The following UGT2B10 variants were observed in gnomAD, a reference collection of about 807,000 sequenced individuals.
UGT2B10 encodes UDP-glucuronosyltransferase 2B10.
Under a neutral mutation model 43.7 loss-of-function variants are expected in UGT2B10, and 51 were observed. The observed-to-expected ratio is 1.17, with a 90% CI of 0.93 to 1.47. The LOEUF is 1.47. Ranked by LOEUF, UGT2B10 falls within the 40% of genes most tolerant of loss-of-function variation. The probability of loss-of-function intolerance (pLI) is 0.00; values close to 1 mark genes in which losing one functional copy is unlikely to be tolerated. For missense variants in UGT2B10, 696 were observed against 617.7 expected, an observed-to-expected ratio of 1.13 and a Z score of -1.34; for synonymous variants, 225 against 209.0, an observed-to-expected ratio of 1.08 and a Z score of -0.66.
At position 68,827,512 on chromosome 4, in the gene UGT2B10, T is replaced by G; in HGVS notation, c.1271T>G (p.Leu424Arg). 1 of 1,613,392 alleles carries G rather than the reference T, an allele frequency of 6.2e-7. No individual in the cohort carries two copies. Among genetic ancestry groups the G allele is most frequent in the Middle Eastern group, 1.7e-4 (1 of 6,052 alleles). The stretch of plus-strand genomic sequence containing the variant: ...TTCAACACAATGTCGAGTACAGACC[T>G]GCTGAATGCACTGAAGACAGTAATT... ...VDFNTMSSTD[L>R]LNALKTVIND... Residue 424 changes from leucine to arginine, a missense_variant, in exon 5 of 6, where the codon CTG (leucine) becomes CGG (arginine). Physicochemically the swap from Leu to Arg is moderately radical, Grantham distance 102. Transcript: ENST00000265403.
intron 3 of UGT2B10, among the ~76,000 whole-genome samples, chr4:68,823,712 TAAAA>T (rs377756742): frequency 1.4e-4 from 21 of 151,966 alleles, no homozygotes; most frequent in African/African-American, 4.8e-4. Flanking sequence ...ATATGACAAA[TAAAA>T]AAGAAAGTTC....
chr4:68,831,614 G>C lies in UGT2B10; in HGVS notation c.*735G>C, dbSNP rs1032619241. ...CAGCCCACAAGAAGAATCACTTAAT[G>C]CTCTGAAAATTACCAGTAAACTGAT... On this transcript the variant is annotated 3_prime_UTR_variant, in exon 6 of 6. Transcript: ENST00000265403. Among the ~76,000 whole-genome samples the C allele has an allele frequency of 6.6e-6, 1 of 152,082 alleles. No individual in the cohort carries two copies. Among genetic ancestry groups the C allele is most frequent in the African/African-American group, 2.4e-5 (1 of 41,446 alleles).
In UGT2B10 at chr4:68,816,097, G is replaced by A; in HGVS notation, c.78G>A (p.Leu26=). ...YFSSGSCGKV[L]VWAAEYSLWM... Reference sequence around the variant, plus strand: ...GCTCTGGGAGTTGTGGAAAGGTGCTGGTATGGGCCGCAGAATACAGCCTTT... The same window carrying A: ...GCTCTGGGAGTTGTGGAAAGGTGCTAGTATGGGCCGCAGAATACAGCCTTT... Residue 26 remains leucine (L), a synonymous_variant, in exon 1 of 6, where the codon CTG becomes CTA. Transcript: ENST00000265403. The A allele has an allele frequency of 6.2e-7, 1 of 1,613,214 alleles. No individual in the cohort carries two copies. Among genetic ancestry groups the A allele is most frequent in the Non-Finnish European group, 8.5e-7 (1 of 1,179,406 alleles).
Position 68,831,095 on chromosome 4 carries a change from TA to T in UGT2B10, c.*222del. The T allele has an allele frequency of 3.3e-6, 2 of 600,568 alleles. No homozygotes were observed. The highest frequency in any genetic ancestry group is 5.6e-6 in the Non-Finnish European group (2 of 359,380). 37.2% of individuals were successfully genotyped at this position (600,568 alleles called of 1,614,324 possible). A position where few individuals can be genotyped will look rare whatever the true frequency, so the allele number is the denominator to read the frequency against. On this transcript the variant is annotated 3_prime_UTR_variant, in exon 6 of 6. Transcript: ENST00000265403. The stretch of plus-strand genomic sequence containing the variant: ...GCAATGAAGAAAACACTAGGGGAAA[TA>T]AAAAATAATATAAAGCCATATGAGC...
rs1343764784 is a variant in UGT2B10, at chr4:68,830,794, C to T, written c.1502C>T (p.Ala501Val). The T allele has an allele frequency of 1.2e-6, 2 of 1,613,266 alleles. No individual in the cohort carries two copies. Among genetic ancestry groups the T allele is most frequent in the South Asian group, 1.1e-5 (1 of 91,072 alleles). The change falls in exon 6 of 6, where the codon GCA becomes GTA. Residue 501 changes from alanine (A) to valine (V), a missense_variant. By Grantham distance (64) the Ala-to-Val change is moderately conservative. Transcript: ENST00000265403. ...DVIGFLLACV[A>V]TVLFIITKCC... is the part of the protein sequence containing the mutation. Reference sequence around the variant, plus strand: ...ATTGGGTTCCTGCTGGCTTGTGTGGCAACCGTGCTATTTATCATCACAAAG... The same window carrying T: ...ATTGGGTTCCTGCTGGCTTGTGTGGTAACCGTGCTATTTATCATCACAAAG...
intron 4 of UGT2B10, 134 bp from the exon 5 acceptor site, chr4:68,827,195 T>C (rs1737825146): frequency 6.9e-7 from 1 of 1,439,136 alleles, no homozygotes; most frequent in East Asian, 2.3e-5. Flanking sequence ...ACCTGTTTTT[T>C]CCTCTGAAAT....
Position 68,816,200 on chromosome 4 carries a change from A to G in UGT2B10, c.181A>G (p.Ile61Val), listed in dbSNP as rs1445163432. 6.2e-7 allele frequency: 1 copy of G among 1,613,272 alleles called. No homozygotes were observed. The change falls in exon 1 of 6, where the codon ATT (isoleucine) becomes GTT (valine). Residue 61 changes from isoleucine to valine, a missense_variant. Ile to Val is a conservative substitution (Grantham distance 29, BLOSUM62 3). Coordinates refer to ENST00000265403, the MANE Select transcript of UGT2B10 (RefSeq NM_001075.6). ...GACTGTACTGGCATCTTCAGCTTCC[A>G]TTCTTTTTGATCCCAACGACTCATC... ...EVTVLASSAS[I>V]LFDPNDSSTL...
At chr4:68,826,728 T>C (rs1737800449) in intron 4 of UGT2B10, among the ~76,000 whole-genome samples, 1 of 152,288 alleles carries the variant, frequency 6.6e-6, no homozygotes, top group Middle Eastern at 3.4e-3. Flanking sequence ...TTTCAGGTGC[T>C]ATTATATCTC....
Position 68,831,182 on chromosome 4 carries a change from T to A in UGT2B10, c.*303T>A, listed in dbSNP as rs941722649. 14 of 298,152 alleles carry A rather than the reference T, an allele frequency of 4.7e-5. No individual in the cohort carries two copies. The highest frequency in any genetic ancestry group is 8.6e-5 in the Non-Finnish European group (14 of 162,788). The allele number at this position is 298,152 out of a possible 1,614,324, so 18.5% of individuals were successfully genotyped here. Reference sequence around the variant, plus strand: ...GATCATGGCTCACTTCAGCCTCAACTTACTAAGCTCAAGAGGTTCTCTCAC... The same window carrying A: ...GATCATGGCTCACTTCAGCCTCAACATACTAAGCTCAAGAGGTTCTCTCAC... On this transcript the variant is annotated 3_prime_UTR_variant, in exon 6 of 6. Coordinates refer to ENST00000265403, the MANE Select transcript of UGT2B10 (RefSeq NM_001075.6).
chr4:68,816,127 G>C lies in UGT2B10; in HGVS notation c.108G>C (p.Met36Ile), dbSNP rs749462434. ...GGGCCGCAGAATACAGCCTTTGGAT[G>C]AATATGAAGACAATCCTGAAAGAAC... Reference protein sequence around the residue: ...LVWAAEYSLWMNMKTILKELV... With the variant: ...LVWAAEYSLWINMKTILKELV... Residue 36 changes from methionine to isoleucine, a missense_variant, in exon 1 of 6, where the codon ATG becomes ATC. Met to Ile is a conservative substitution (Grantham distance 10). Transcript: ENST00000265403. The C allele has an allele frequency of 4.4e-5, 71 of 1,613,196 alleles. No homozygotes were observed. The South Asian group carries it at 7.6e-4, about 17-fold the overall frequency.
At position 68,830,746 on chromosome 4, in the gene UGT2B10, T is replaced by C; in HGVS notation, c.1454T>C (p.Phe485Ser). The C allele has an allele frequency of 6.2e-7, 1 of 1,613,494 alleles. No homozygotes were observed. The highest frequency in any genetic ancestry group is 8.5e-7 in the Non-Finnish European group (1 of 1,179,568). ...LRVAAHNLTW[F>S]QYHSLDVIGF... The stretch of plus-strand genomic sequence containing the variant: ...GTTGCAGCCCACAACCTCACCTGGT[T>C]CCAGTACCACTCTTTGGATGTGATT... The change falls in exon 6 of 6, where the codon TTC (phenylalanine) becomes TCC (serine). Residue 485 changes from phenylalanine (F) to serine (S), a missense_variant. Physicochemically the swap from Phe to Ser is radical, Grantham distance 155. Transcript: ENST00000265403.
At chr4:68,828,847 T>C (rs1229397372) in intron 5 of UGT2B10, among the ~76,000 whole-genome samples, 2 of 152,034 alleles carry the variant, frequency 1.3e-5, no homozygotes, top group Non-Finnish European at 2.9e-5. Context: ...AAAGATTCAA[T>C]ATCATAAAGA....
intron 3 of UGT2B10, among the ~76,000 whole-genome samples, chr4:68,823,207 A>G (rs1158786137): frequency 6.6e-6 from 1 of 152,142 alleles, no homozygotes; most frequent in Admixed American, 6.6e-5. Context: ...CAGTCCTGTG[A>G]TTAAAAGTGT....
At position 68,830,786 on chromosome 4, in the gene UGT2B10, T is replaced by C. The variant is rs3208727; in HGVS notation, c.1494T>C (p.Ala498=). 11 of 1,613,194 alleles carry C rather than the reference T, an allele frequency of 6.8e-6. No homozygotes were observed. Among genetic ancestry groups the C allele is most frequent in the Middle Eastern group, 1.6e-4 (1 of 6,072 alleles). Residue 498 remains alanine, a synonymous_variant, in exon 6 of 6, where the codon GCT becomes GCC. Transcript: ENST00000265403. ...TGGATGTGATTGGGTTCCTGCTGGC[T>C]TGTGTGGCAACCGTGCTATTTATCA... is the stretch of plus-strand genomic sequence containing the variant. ...HSLDVIGFLL[A]CVATVLFIIT... is the part of the protein sequence containing the mutation.
chr4:68,824,411 C>T (rs1451686036), intron 3 of UGT2B10, among the ~76,000 whole-genome samples: 2 of 152,096 alleles, frequency 1.3e-5, no homozygotes, highest in Non-Finnish European at 2.9e-5. Flanking sequence ...ATTAACAACC[C>T]CTCCCAATGG....
chr4:68,822,147 A>G, intron 2 of UGT2B10, 124 bp from the exon 3 acceptor site: 1 of 1,407,854 alleles, frequency 7.1e-7, no homozygotes, highest in Non-Finnish European at 9.6e-7. Flanking sequence ...AAAAAATATT[A>G]TTTACTCCAA....
chr4:68,826,975 C>T (rs917658345), intron 4 of UGT2B10, among the ~76,000 whole-genome samples: 1 of 152,084 alleles, frequency 6.6e-6, no homozygotes, highest in Non-Finnish European at 1.5e-5. Flanking sequence ...AACCCACTGC[C>T]TGCTGCCTTG....
chr4:68,820,002 G>T (rs1411622040), intron 2 of UGT2B10, among the ~76,000 whole-genome samples: 1 of 151,934 alleles, frequency 6.6e-6, no homozygotes, highest in African/African-American at 2.4e-5. Flanking sequence ...AGGCTTTATA[G>T]AGTCAGTTTC....
At chr4:68,826,223 GT>G (rs1737766371) in intron 3 of UGT2B10, among the ~76,000 whole-genome samples, 186 bp from the exon 4 acceptor site, 1 of 151,952 alleles carries the variant, frequency 6.6e-6, no homozygotes, top group Admixed American at 6.6e-5. Flanking sequence ...GAAAATAATG[GT>G]TTCTTATATA....
Sources: gnomAD v4.1 joint callset for allele counts (sites outside exome capture counted in the v4.1 genomes callset) on GRCh38, gnomAD v4.1.1 for gene constraint, MANE v1.5 for transcripts, NCBI Gene and HGNC (gene_info 2026-07-23, HGNC 2026-07-21) for gene names.